Variants in MCF2L observed in about 807,000 individuals in gnomAD.
MCF2L encodes guanine nucleotide exchange factor DBS.
A neutral mutation model predicts 153.4 loss-of-function variants in MCF2L; 97 were observed. The ratio of observed to expected loss-of-function variants is 0.63; its 90% confidence interval spans 0.54 to 0.75. The LOEUF is 0.75. Among genes scored for constraint, MCF2L ranks in the 30% least tolerant of loss-of-function variants. MCF2L has a pLI of 0.00. For missense variants in MCF2L, 1,347 were observed against 1,495.2 expected (o/e 0.90, Z 1.64); for synonymous variants, 659 against 632.2 (o/e 1.04, Z -0.64).
intron 1 of MCF2L, 55 bp from the exon 2 acceptor site, chr13:113,014,708 G>A (rs1367547385): frequency 2.0e-6 from 3 of 1,499,294 alleles, no homozygotes; most frequent in African/African-American, 1.4e-5. Flanking sequence ...GTGGGCGCTT[G>A]CAGGGTGAGG....
intron 2 of MCF2L, chr13:112,909,476 G>T (rs974291010): frequency 1.7e-6 from 1 of 587,830 alleles, no homozygotes; most frequent in South Asian, 2.1e-5. Flanking sequence ...CGTCAGGAGC[G>T]CACTTGGGAA....
rs372277052 is a variant in MCF2L at position 112,997,586 on chromosome 13, A to G, written c.80-17177A>G. ...TTAAGGTTTAGCTGTTTGCTTTGGC[A>G]GCAGGTCCCACCCCACAGCCTGATG... is the stretch of plus-strand genomic sequence containing the variant. On this transcript the variant is annotated intron_variant, in intron 1 of 29. Coordinates refer to ENST00000535094, the MANE Select transcript of MCF2L (RefSeq NM_001112732.3). Among the ~76,000 whole-genome samples the G allele has an allele frequency of 5.4e-4, 83 of 152,360 alleles. 1 individual carries two copies. In the Middle Eastern group the frequency reaches 0.017, roughly 31 times the overall value.
At chr13:112,955,154 G>T (rs2081741876) in intron 2 of MCF2L, among the ~76,000 whole-genome samples, 1 of 152,146 alleles carries the variant, frequency 6.6e-6, no homozygotes, top group Admixed American at 6.5e-5. Flanking sequence ...AGGAGTGAGG[G>T]GCTTCATGAG....
intron 20 of MCF2L, among the ~76,000 whole-genome samples, chr13:113,085,600 T>C (rs913063471): frequency 6.6e-6 from 1 of 151,772 alleles, no homozygotes; most frequent in Admixed American, 6.6e-5. Context: ...AGGGTTAGGG[T>C]GGCGAGAGGA....
chr13:112,908,457 A>G (rs1397423869), intron 2 of MCF2L, among the ~76,000 whole-genome samples: 1 of 152,228 alleles, frequency 6.6e-6, no homozygotes, highest in Non-Finnish European at 1.5e-5. Context: ...AGGTGAACGG[A>G]AGGTGTCTGA....
chr13:112,916,468 T>A (rs559539444), intron 2 of MCF2L, among the ~76,000 whole-genome samples: 60 of 152,136 alleles, frequency 3.9e-4, no homozygotes, highest in African/African-American at 1.3e-3. Flanking sequence ...GTGGGATGAG[T>A]CTCCGCACGT....
intron 3 of MCF2L, among the ~76,000 whole-genome samples, chr13:113,039,967 C>T (rs1325476753): frequency 1.3e-5 from 2 of 152,090 alleles, no homozygotes; most frequent in African/African-American, 4.8e-5. Flanking sequence ...TCAGTTTAGC[C>T]CCAAACTGGA....
chr13:113,090,025 G>T (rs746396657), intron 26 of MCF2L: 3 of 1,599,012 alleles, frequency 1.9e-6, no homozygotes, highest in Non-Finnish European at 2.6e-6. Flanking sequence ...CTCCGCATCG[G>T]GTTGCGATGC....
At chr13:112,968,767 C>G (rs1280871574), upstream of MCF2L, 13 of 1,357,984 alleles carry the variant, frequency 9.6e-6, no homozygotes, top group East Asian at 1.9e-4. Context: ...TGCACTCGCT[C>G]GGTCCACTCG....
At chr13:113,003,673 A>C (rs754791384) in intron 1 of MCF2L, among the ~76,000 whole-genome samples, 2 of 152,190 alleles carry the variant, frequency 1.3e-5, no homozygotes, top group Non-Finnish European at 2.9e-5. Flanking sequence ...TTCCGTGATC[A>C]GACCCGGGAC....
intron 2 of MCF2L, among the ~76,000 whole-genome samples, chr13:112,949,875 T>C (rs2081674493): frequency 6.6e-6 from 1 of 152,048 alleles, no homozygotes; most frequent in South Asian, 2.1e-4. Flanking sequence ...TATTCAACAT[T>C]GTACTGGAAG....
At chr13:113,088,465 A>C in intron 24 of MCF2L, 60 bp downstream of exon 24, 2 of 1,607,838 alleles carry the variant, frequency 1.2e-6, no homozygotes, top group Non-Finnish European at 1.7e-6. Context: ...ATTTTTACCT[A>C]TGTTCAGAGC....
rs1387841181 is a variant in MCF2L, at chr13:112,900,645, G to A, written c.-4-1554G>A. ...CTTGTGTGTTGGGGGAAGAGGGGCG[G>A]GTGGAGAAGCACAGCCTCTGCTGTG... On this transcript the variant is annotated intron_variant, in intron 1 of 29. Coordinates refer to the MCF2L transcript ENST00000375608. 1.4e-4 allele frequency among the ~76,000 whole-genome samples: 21 copies of A among 152,088 alleles called. 1 individual carries two copies. Among genetic ancestry groups the A allele is most frequent in the Non-Finnish European group, 4.4e-5 (3 of 68,004 alleles).
Position 113,045,125 on chromosome 13 carries a change from C to A in MCF2L, c.279-146C>A. 2.2e-6 allele frequency: 2 copies of A among 924,044 alleles called. No individual in the cohort carries two copies. Among genetic ancestry groups the A allele is most frequent in the South Asian group, 1.5e-5 (1 of 66,038 alleles). The allele number at this position is 924,044 out of a possible 1,614,324, so 57.2% of individuals were successfully genotyped here. On this transcript the variant is annotated intron_variant, in intron 3 of 29. Coordinates refer to ENST00000535094, the MANE Select transcript of MCF2L (RefSeq NM_001112732.3). This position sits in a 1 kb window ranked among gnomAD's most constrained non-coding sequence, Gnocchi z 4.2. ...TGCGGGGATGGGGCTGCCGGGGCCC[C>A]CGTGTGCCATGCCTCTCACCTGGTA...
chr13:113,023,886 G>T (rs1286703930), intron 2 of MCF2L, among the ~76,000 whole-genome samples: 1 of 152,258 alleles, frequency 6.6e-6, no homozygotes, highest in Non-Finnish European at 1.5e-5. Flanking sequence ...GCAGGTGGAT[G>T]CAGGGTCGTG....
chr13:112,996,978 G>T (rs2083163308), intron 1 of MCF2L, among the ~76,000 whole-genome samples: 1 of 152,200 alleles, frequency 6.6e-6, no homozygotes, highest in African/African-American at 2.4e-5. Context: ...GCTATCTCAG[G>T]TGTGGCCGGG....
At chr13:112,987,236 C>T (rs1360179730) in intron 1 of MCF2L, among the ~76,000 whole-genome samples, 1 of 152,220 alleles carries the variant, frequency 6.6e-6, no homozygotes, top group African/African-American at 2.4e-5. Flanking sequence ...GCATCTCCCT[C>T]CACCTGCCCC....
rs1020894554 is a variant in MCF2L, at chr13:113,027,638, G to A, written c.278+2880G>A. Among the ~76,000 whole-genome samples, 7 of 152,200 alleles carry A rather than the reference G, an allele frequency of 4.6e-5. No individual in the cohort carries two copies. The highest frequency in any genetic ancestry group is 1.7e-4 in the African/African-American group (7 of 41,458). ...GCTGGGTCTCGGGCCGAGCGGCCGA[G>A]CTCCCTGAGGGGCTGATGGGACCGG... On this transcript the variant is annotated intron_variant, in intron 3 of 29. Coordinates refer to ENST00000535094, the MANE Select transcript of MCF2L (RefSeq NM_001112732.3). The surrounding 1 kb of genome is among the most constrained non-coding windows in gnomAD (Gnocchi z 4.8).
At chr13:113,063,751 A>G (rs2031928126) in intron 5 of MCF2L, 2 of 432,972 alleles carry the variant, frequency 4.6e-6, no homozygotes, top group South Asian at 1.7e-5. Context: ...GTTCTCCCTC[A>G]TGTCTCCTTT....
Sources: allele counts gnomAD v4.1 joint callset (sites outside exome capture counted in the v4.1 genomes callset), GRCh38; gene constraint gnomAD v4.1.1; non-coding constraint Gnocchi (gnomAD v3.1); transcripts MANE v1.5; gene names NCBI Gene and HGNC (gene_info 2026-07-23, HGNC 2026-07-21).